KCNH7: variants seen among roughly 807,000 people sequenced by gnomAD.
KCNH7 encodes the protein voltage-gated inwardly rectifying potassium channel KCNH7.
In KCNH7, 49 loss-of-function variants were observed where a neutral mutation model predicts 120.8. That is an observed-to-expected ratio of 0.41 (90% CI 0.32 to 0.51). The LOEUF (loss-of-function observed/expected upper bound fraction) is 0.51, where lower values mean the gene tolerates loss of function less well. KCNH7 is among the 20% of genes least tolerant of loss of function. The pLI is 0.38. For synonymous variants in KCNH7, 547 were observed against 516.1 expected (o/e 1.06, Z -0.81); for missense variants, 1,097 against 1,446.6 (o/e 0.76, Z 3.92).
chr2:162,612,992 T>G (rs1289903645), intron 2 of KCNH7, among the ~76,000 whole-genome samples: 1 of 151,908 alleles, frequency 6.6e-6, no homozygotes. Context: ...GAGGGTAGAA[T>G]AAGAAGATTT....
At chr2:162,632,445 A>G (rs1683806634) in intron 2 of KCNH7, among the ~76,000 whole-genome samples, 1 of 151,966 alleles carries the variant, frequency 6.6e-6, no homozygotes, top group African/African-American at 2.4e-5. Context: ...TTCCCTTGAA[A>G]TAATCTATAA....
At chr2:162,466,050 C>T (rs962921059) in intron 6 of KCNH7, among the ~76,000 whole-genome samples, 74 of 152,158 alleles carry the variant, frequency 4.9e-4, no homozygotes, top group Non-Finnish European at 7.3e-5. Flanking sequence ...CATCTACTTC[C>T]TTGCCACTAT....
At chr2:162,475,391 A>T (rs980920474) in intron 6 of KCNH7, among the ~76,000 whole-genome samples, 1 of 152,178 alleles carries the variant, frequency 6.6e-6, no homozygotes, top group African/African-American at 2.4e-5. Context: ...ATTGAACCCT[A>T]TGCCAAATAG....
At chr2:162,644,192 A>G (rs891438946) in intron 2 of KCNH7, among the ~76,000 whole-genome samples, 3 of 152,176 alleles carry the variant, frequency 2.0e-5, no homozygotes, top group African/African-American at 7.2e-5. Context: ...TGCTATTTAC[A>G]ATGACCCACT....
intron 2 of KCNH7, among the ~76,000 whole-genome samples, chr2:162,752,905 A>AAAAG (rs1559116043): frequency 3.8e-5 from 1 of 26,084 alleles, no homozygotes; most frequent in Non-Finnish European, 8.5e-5. Context: ...CATCTCAGAA[A>AAAAG]AAGAAAAGAA....
intron 2 of KCNH7, among the ~76,000 whole-genome samples, chr2:162,560,242 T>C (rs1693013545): frequency 6.6e-6 from 1 of 152,216 alleles, no homozygotes; most frequent in African/African-American, 2.4e-5. Context: ...GTTATATTTC[T>C]GAAGCATTTT....
intron 2 of KCNH7, among the ~76,000 whole-genome samples, chr2:162,833,694 G>T (rs568505298): frequency 1.3e-5 from 2 of 152,060 alleles, no homozygotes; most frequent in Non-Finnish European, 2.9e-5. Context: ...AGTAGGAAGT[G>T]GTGTTTCAAA....
chr2:162,387,383 T>C (rs1207378871), intron 12 of KCNH7, among the ~76,000 whole-genome samples: 1 of 151,576 alleles, frequency 6.6e-6, no homozygotes, highest in Non-Finnish European at 1.5e-5. Flanking sequence ...AAATGCATTA[T>C]AATTAGCCTC....
At chr2:162,512,615 G>A (rs747234162) in intron 5 of KCNH7, 39 bp downstream of exon 5, 1 of 1,596,940 alleles carries the variant, frequency 6.3e-7, no homozygotes, top group Non-Finnish European at 8.6e-7. Context: ...AAAGGGGCAG[G>A]TTGAACATCA....
chr2:162,444,967 A>G (rs1688533308), intron 7 of KCNH7, among the ~76,000 whole-genome samples: 1 of 152,108 alleles, frequency 6.6e-6, no homozygotes. Context: ...TCATCCTTTT[A>G]CAGATGAGGA....
intron 2 of KCNH7, among the ~76,000 whole-genome samples, chr2:162,737,707 G>A (rs1432306612): frequency 6.6e-6 from 1 of 152,046 alleles, no homozygotes; most frequent in Admixed American, 6.6e-5. Context: ...CCACTATTAA[G>A]TACAGTCCCC....
intron 2 of KCNH7, among the ~76,000 whole-genome samples, chr2:162,671,973 G>A (rs1048078932): frequency 2.0e-5 from 3 of 151,800 alleles, no homozygotes; most frequent in Non-Finnish European, 4.4e-5. Flanking sequence ...TAAACATAAA[G>A]CAGAAATTTA....
chr2:162,501,876 A>T (rs1402180342), intron 6 of KCNH7: 3 of 152,104 alleles, frequency 2.0e-5, no homozygotes, highest in African/African-American at 7.2e-5. Flanking sequence ...ATAATATTTT[A>T]AAAGATTTTT....
rs1692800691 is a variant in KCNH7, at chr2:162,554,766, T to C, written c.308-17686A>G. 2.0e-5 allele frequency among the ~76,000 whole-genome samples: 3 copies of C among 152,180 alleles called. No homozygotes were observed. The South Asian group carries it at 6.2e-4, about 32-fold the overall frequency. ...CCTATGATTACACTGGGCCCATATGTATAAATCAGTACAATCTCCCCATCT... is the reference window on the plus strand; with the variant it reads ...CCTATGATTACACTGGGCCCATATGCATAAATCAGTACAATCTCCCCATCT... On this transcript the variant is annotated intron_variant, in intron 2 of 15. Transcript: ENST00000332142.
At chr2:162,821,430 T>C (rs1685117455) in intron 2 of KCNH7, among the ~76,000 whole-genome samples, 1 of 152,218 alleles carries the variant, frequency 6.6e-6, no homozygotes, top group African/African-American at 2.4e-5. Context: ...GATTGCAAGA[T>C]ACTGTCTTTG....
rs570395087 is a variant in KCNH7 at position 162,630,211 on chromosome 2, A to G, written c.308-93131T>C. ...ACTGAGTTAAGTTTTGCAAATATTG[A>G]ATTTGAATTCTCCACAAAGTCCTAC... On this transcript the variant is annotated intron_variant, in intron 2 of 15. Transcript: ENST00000332142. Among the ~76,000 whole-genome samples, 4 of 152,252 alleles carry G rather than the reference A, an allele frequency of 2.6e-5. No homozygotes were observed. The South Asian group carries it at 6.2e-4, about 24-fold the overall frequency.
chr2:162,699,999 C>T (rs947520366), intron 2 of KCNH7, among the ~76,000 whole-genome samples: 4 of 151,992 alleles, frequency 2.6e-5, no homozygotes, highest in Non-Finnish European at 4.4e-5. Context: ...AAAACAGCTA[C>T]GATACCTTCT....
intron 2 of KCNH7, among the ~76,000 whole-genome samples, chr2:162,728,114 C>T (rs1386923039): frequency 2.0e-5 from 3 of 151,036 alleles, no homozygotes; most frequent in Non-Finnish European, 2.9e-5. Flanking sequence ...TTTTCATCAG[C>T]AGTATATGAC....
intron 9 of KCNH7, among the ~76,000 whole-genome samples, chr2:162,407,959 T>C (rs1687277124): frequency 6.6e-6 from 1 of 152,090 alleles, no homozygotes; most frequent in African/African-American, 2.4e-5. Flanking sequence ...ACGTATCGTA[T>C]TTTAGCATCA....
Sources: gnomAD v4.1 joint callset for allele counts (sites outside exome capture counted in the v4.1 genomes callset) on GRCh38, gnomAD v4.1.1 for gene constraint, MANE v1.5 for transcripts, NCBI Gene and HGNC (gene_info 2026-07-23, HGNC 2026-07-21) for gene names.